OR5P2: variants seen among roughly 807,000 people sequenced by gnomAD.
OR5P2 encodes the protein olfactory receptor 5P2.
For synonymous variants in OR5P2, 165 were observed against 145.6 expected, an observed-to-expected ratio of 1.13 and a Z score of -0.96; for missense variants, 455 against 382.3, an observed-to-expected ratio of 1.19 and a Z score of -1.59.
At position 7,796,038 on chromosome 11, in the gene OR5P2, A is replaced by G; in HGVS notation, c.905T>C (p.Val302Ala). The G allele has an allele frequency of 6.2e-7, 1 of 1,603,116 alleles. No individual in the cohort carries two copies. Among genetic ancestry groups the G allele is most frequent in the Non-Finnish European group, 8.5e-7 (1 of 1,177,076 alleles). ...AGCATCATGAGAAAGTATTTTTCTAACAAGCTCTCTCTTCAGAGCCCCCTT... is the reference window on the plus strand; with the variant it reads ...AGCATCATGAGAAAGTATTTTTCTAGCAAGCTCTCTCTTCAGAGCCCCCTT... The part of the protein sequence containing the change: ...EIKGALKREL[V>A]RKILSHDACY... The change falls in exon 1 of 1, where the codon GTT (valine) becomes GCT (alanine). Residue 302 changes from valine to alanine, a missense_variant. By Grantham distance (64) the Val-to-Ala change is moderately conservative. Transcript: ENST00000329434.
Position 7,796,078 on chromosome 11 carries a change from T to C in OR5P2, c.865A>G (p.Arg289Gly). The change falls in exon 1 of 1, where the codon AGG becomes GGG. Residue 289 changes from arginine to glycine, a missense_variant. Coordinates refer to ENST00000329434, the MANE Select transcript of OR5P2 (RefSeq NM_153444.1). ...AGAGCCCCCTTAATCTCCTTGTTCC[T>C]GAGGCTGTAGATCAGGGGGTTCAAC... ...PMLNPLIYSLRNKEIKGALKR... is the reference protein window; with the variant it reads ...PMLNPLIYSLGNKEIKGALKR... 6.2e-7 allele frequency: 1 copy of C among 1,605,326 alleles called. No homozygotes were observed. The highest frequency in any genetic ancestry group is 8.5e-7 in the Non-Finnish European group (1 of 1,178,688).
rs1171839550 is a variant in OR5P2 at position 7,796,706 on chromosome 11, T to A, written c.237A>T (p.Val79=). The A allele has an allele frequency of 6.2e-7, 1 of 1,605,714 alleles. No individual in the cohort carries two copies. The highest frequency in any genetic ancestry group is 2.3e-5 in the East Asian group (1 of 44,382). Residue 79 remains valine, a synonymous_variant, in exon 1 of 1, where the codon GTA becomes GTT. Coordinates refer to ENST00000329434, the MANE Select transcript of OR5P2 (RefSeq NM_153444.1). ...YSSSVTPNML[V]NFLVERNTVS... ...CTGTATTTCTCTCCACCAGGAAGTT[T>A]ACAAGCATGTTGGGTGTGACAGAAG...
rs764331597 is a variant in OR5P2, at chr11:7,796,905, G to A, written c.38C>T (p.Thr13Met). The A allele has an allele frequency of 3.8e-6, 6 of 1,589,438 alleles. No homozygotes were observed. The Admixed American group carries it at 6.9e-5, about 18-fold the overall frequency. ...SLKDGNHTAL[T>M]GFILLGLTDD... ...TGTTAAGCCCAATAGGATGAACCCC[G>A]TCAGAGCGGTGTGATTCCCGTCCTT... is the stretch of plus-strand genomic sequence containing the variant. Residue 13 changes from threonine to methionine, a missense_variant, in exon 1 of 1, where the codon ACG becomes ATG. Coordinates refer to ENST00000329434, the MANE Select transcript of OR5P2 (RefSeq NM_153444.1).
Position 7,796,625 on chromosome 11 carries a change from G to A in OR5P2, c.318C>T (p.Val106=), listed in dbSNP as rs140285767. 196 of 1,605,182 alleles carry A rather than the reference G, an allele frequency of 1.2e-4. 8 individuals are homozygous for A. Among genetic ancestry groups the A allele is most frequent in the Admixed American group, 7.9e-4 (47 of 59,796 alleles). The part of the protein sequence containing the change: ...QLGSAAFFAT[V]ECVLLAAMAY... The stretch of plus-strand genomic sequence containing the variant: ...CCATGGCAGCCAGAAGGACGCATTC[G>A]ACTGTTGCAAAGAAAGCCGCTGAAC... The change falls in exon 1 of 1, where the codon GTC becomes GTT. Residue 106 remains valine (V), a synonymous_variant. Coordinates refer to ENST00000329434, the MANE Select transcript of OR5P2 (RefSeq NM_153444.1).
At position 7,796,105 on chromosome 11, in the gene OR5P2, T is replaced by G; in HGVS notation, c.838A>C (p.Met280Leu). 6.2e-7 allele frequency: 1 copy of G among 1,605,426 alleles called. No individual in the cohort carries two copies. The highest frequency in any genetic ancestry group is 1.1e-5 in the South Asian group (1 of 90,374). ...AGGCTGTAGATCAGGGGGTTCAACATGGGAATCACCACTGTGTACAACACA... is the reference window on the plus strand; with the variant it reads ...AGGCTGTAGATCAGGGGGTTCAACAGGGGAATCACCACTGTGTACAACACA... ...VSVLYTVVIP[M>L]LNPLIYSLRN... The change falls in exon 1 of 1, where the codon ATG becomes CTG. Residue 280 changes from methionine to leucine, a missense_variant. Physicochemically the swap from Met to Leu is conservative, Grantham distance 15 (BLOSUM62 2). Transcript: ENST00000329434.
Position 7,796,386 on chromosome 11 carries a change from G to C in OR5P2, c.557C>G (p.Ser186Cys), listed in dbSNP as rs1171384687. 1.2e-6 allele frequency: 2 copies of C among 1,604,716 alleles called. No homozygotes were observed. The highest frequency in any genetic ancestry group is 2.3e-5 in the East Asian group (1 of 44,348). ...DFAPLLELSC[S>C]DISVSTVVLS... Reference sequence around the variant, plus strand: ...AACAACTGTGGAGACACTGATATCAGAACAGGAGAGTTCAAGTAAGGGAGC... The same window carrying C: ...AACAACTGTGGAGACACTGATATCACAACAGGAGAGTTCAAGTAAGGGAGC... The change falls in exon 1 of 1, where the codon TCT (serine) becomes TGT (cysteine). Residue 186 changes from serine (S) to cysteine (C), a missense_variant. Physicochemically the swap from Ser to Cys is moderately radical, Grantham distance 112. Coordinates refer to ENST00000329434, the MANE Select transcript of OR5P2 (RefSeq NM_153444.1).
chr11:7,796,365 A>G lies in OR5P2; in HGVS notation c.578T>C (p.Val193Ala). Residue 193 changes from valine to alanine, a missense_variant, in exon 1 of 1, where the codon GTT becomes GCT. Physicochemically the swap from Val to Ala is moderately conservative, Grantham distance 64. Coordinates refer to ENST00000329434, the MANE Select transcript of OR5P2 (RefSeq NM_153444.1). ...LSCSDISVST[V>A]VLSFSSGSII... ...GGATCCAGAAGAAAATGAGAGAACAACTGTGGAGACACTGATATCAGAACA... is the reference window on the plus strand; with the variant it reads ...GGATCCAGAAGAAAATGAGAGAACAGCTGTGGAGACACTGATATCAGAACA... The G allele has an allele frequency of 1.2e-6, 2 of 1,605,056 alleles. No homozygotes were observed. The highest frequency in any genetic ancestry group is 1.1e-5 in the South Asian group (1 of 90,366).
chr11:7,796,545 G>A lies in OR5P2; in HGVS notation c.398C>T (p.Ser133Phe), dbSNP rs144529072. The A allele has an allele frequency of 6.3e-5, 101 of 1,605,608 alleles. 16 individuals carry two copies. In the African/African-American group the frequency reaches 1.4e-3, roughly 22 times the overall value. Reference sequence around the variant, plus strand: ...GAGTAGCTGGACACTGACTTGTGTGGACATTTTGGTTGAATAAAGCAGTGG... The same window carrying A: ...GAGTAGCTGGACACTGACTTGTGTGAACATTTTGGTTGAATAAAGCAGTGG... Reference protein sequence around the residue: ...CSPLLYSTKMSTQVSVQLLLV... With the variant: ...CSPLLYSTKMFTQVSVQLLLV... Residue 133 changes from serine (S) to phenylalanine (F), a missense_variant, in exon 1 of 1, where the codon TCC (serine) becomes TTC (phenylalanine). Ser to Phe is a radical substitution (Grantham distance 155). Transcript: ENST00000329434.
rs771619941 is a variant in OR5P2 at position 7,796,247 on chromosome 11, C to A, written c.696G>T (p.Lys232Asn). Reference sequence around the variant, plus strand: ...GGTGGGAAGTGCAGGTGGAGAAGGCCTTGTGGTGCCCCTCAGTGGAGCGCA... The same window carrying A: ...GGTGGGAAGTGCAGGTGGAGAAGGCATTGTGGTGCCCCTCAGTGGAGCGCA... ...LKMRSTEGHH[K>N]AFSTCTSHLT... Residue 232 changes from lysine (K) to asparagine (N), a missense_variant, in exon 1 of 1, where the codon AAG becomes AAT. By Grantham distance (94) the Lys-to-Asn change is moderately conservative. Transcript: ENST00000329434. The A allele has an allele frequency of 1.9e-6, 3 of 1,605,026 alleles. No homozygotes were observed. Among genetic ancestry groups the A allele is most frequent in the Non-Finnish European group, 1.7e-6 (2 of 1,178,698 alleles).
In OR5P2 at chr11:7,796,591, G is replaced by C. The variant is rs770520472; in HGVS notation, c.352C>G (p.Arg118Gly). Residue 118 changes from arginine to glycine, a missense_variant, in exon 1 of 1, where the codon CGC becomes GGC. Arg to Gly is a moderately radical substitution (Grantham distance 125, BLOSUM62 -2). Transcript: ENST00000329434. ...CVLLAAMAYD[R>G]FVAICSPLLY... The stretch of plus-strand genomic sequence containing the variant: ...AGTGGACTGCAAATTGCCACAAAGC[G>C]GTCATAGGCCATGGCAGCCAGAAGG... The C allele has an allele frequency of 2.7e-5, 43 of 1,605,426 alleles. 3 individuals are homozygous for C. In the Admixed American group the frequency reaches 6.9e-4, roughly 26 times the overall value.
Position 7,796,076 on chromosome 11 carries a change from C to T in OR5P2, c.867G>A (p.Arg289=). 1 of 1,605,164 alleles carries T rather than the reference C, an allele frequency of 6.2e-7. No individual in the cohort carries two copies. ...TCAGAGCCCCCTTAATCTCCTTGTT[C>T]CTGAGGCTGTAGATCAGGGGGTTCA... ...PMLNPLIYSL[R]NKEIKGALKR... Residue 289 remains arginine (R), a synonymous_variant, in exon 1 of 1, where the codon AGG becomes AGA. Coordinates refer to ENST00000329434, the MANE Select transcript of OR5P2 (RefSeq NM_153444.1).
Position 7,796,693 on chromosome 11 carries a change from C to T in OR5P2, c.250G>A (p.Glu84Lys), listed in dbSNP as rs775111622. Reference sequence around the variant, plus strand: ...CCAAGGTAGGAGACTGTATTTCTCTCCACCAGGAAGTTTACAAGCATGTTG... The same window carrying T: ...CCAAGGTAGGAGACTGTATTTCTCTTCACCAGGAAGTTTACAAGCATGTTG... ...TPNMLVNFLVERNTVSYLGCA... is the reference protein window; with the variant it reads ...TPNMLVNFLVKRNTVSYLGCA... The change falls in exon 1 of 1, where the codon GAG becomes AAG. Residue 84 changes from glutamate (E) to lysine (K), a missense_variant. Coordinates refer to ENST00000329434, the MANE Select transcript of OR5P2 (RefSeq NM_153444.1). 1.2e-6 allele frequency: 2 copies of T among 1,605,518 alleles called. No homozygotes were observed. The highest frequency in any genetic ancestry group is 1.7e-6 in the Non-Finnish European group (2 of 1,178,772).
chr11:7,796,560 T>C lies in OR5P2; in HGVS notation c.383A>G (p.Tyr128Cys). 1 of 1,605,638 alleles carries C rather than the reference T, an allele frequency of 6.2e-7. No individual in the cohort carries two copies. Among genetic ancestry groups the C allele is most frequent in the South Asian group, 1.1e-5 (1 of 90,368 alleles). Reference protein sequence around the residue: ...RFVAICSPLLYSTKMSTQVSV... With the variant: ...RFVAICSPLLCSTKMSTQVSV... ...GACTTGTGTGGACATTTTGGTTGAA[T>C]AAAGCAGTGGACTGCAAATTGCCAC... Residue 128 changes from tyrosine to cysteine, a missense_variant, in exon 1 of 1, where the codon TAT becomes TGT. Transcript: ENST00000329434.
chr11:7,796,008 TAAC>T lies in OR5P2; in HGVS notation c.932_934del (p.Cys311del), dbSNP rs768643404. 3.6e-5 allele frequency: 58 copies of T among 1,592,046 alleles called. 2 individuals carry two copies. Among genetic ancestry groups the T allele is most frequent in the Non-Finnish European group, 4.5e-5 (53 of 1,168,666 alleles). ...ATCATTATTTGAAGTTCTACTAAAA[TAAC>T]AAGCATCATGAGAAAGTATTTTTCT... On this transcript the variant is annotated inframe_deletion, in exon 1 of 1. Transcript: ENST00000329434.
rs544300842 is a variant in OR5P2, at chr11:7,796,853, G to A, written c.90C>T (p.Leu30=). 3.1e-6 allele frequency: 5 copies of A among 1,597,254 alleles called. No homozygotes were observed. In the Admixed American group the frequency reaches 6.7e-5, roughly 21 times the overall value. Residue 30 remains leucine (L), a synonymous_variant, in exon 1 of 1, where the codon CTC becomes CTT. Coordinates refer to ENST00000329434, the MANE Select transcript of OR5P2 (RefSeq NM_153444.1). ...LTDDPILRVI[L]FMIILSGNLS... ...GATTACCAGATAGGATGATCATGAA[G>A]AGGATGACTCGAAGGATTGGATCAT...
In OR5P2 at chr11:7,796,284, G is replaced by C. The variant is rs1433193677; in HGVS notation, c.659C>G (p.Thr220Ser). 6.2e-7 allele frequency: 1 copy of C among 1,604,862 alleles called. No individual in the cohort carries two copies. Among genetic ancestry groups the C allele is most frequent in the African/African-American group, 1.4e-5 (1 of 69,188 alleles). Reference sequence around the variant, plus strand: ...CTCAGTGGAGCGCATCTTCAGGATGGTGATGAGGATATAGATGTAGCAGAC... The same window carrying C: ...CTCAGTGGAGCGCATCTTCAGGATGCTGATGAGGATATAGATGTAGCAGAC... ...IAVCYIYILI[T>S]ILKMRSTEGH... The change falls in exon 1 of 1, where the codon ACC (threonine) becomes AGC (serine). Residue 220 changes from threonine (T) to serine (S), a missense_variant. Physicochemically the swap from Thr to Ser is moderately conservative, Grantham distance 58 (BLOSUM62 1). Transcript: ENST00000329434.
Position 7,796,205 on chromosome 11 carries a change from C to A in OR5P2, c.738G>T (p.Leu246=). 1 of 1,604,954 alleles carries A rather than the reference C, an allele frequency of 6.2e-7. No individual in the cohort carries two copies. The highest frequency in any genetic ancestry group is 8.5e-7 in the Non-Finnish European group (1 of 1,178,744). ...AAATGAAGGTAATGGTCCCATAGAACAGGGTAACCACAGTGAGGTGGGAAG... is the reference window on the plus strand; with the variant it reads ...AAATGAAGGTAATGGTCCCATAGAAAAGGGTAACCACAGTGAGGTGGGAAG... The part of the protein sequence containing the change: ...TCTSHLTVVT[L]FYGTITFIYV... Residue 246 remains leucine, a synonymous_variant, in exon 1 of 1, where the codon CTG becomes CTT. Coordinates refer to ENST00000329434, the MANE Select transcript of OR5P2 (RefSeq NM_153444.1).
chr11:7,796,855 G>T lies in OR5P2; in HGVS notation c.88C>A (p.Leu30Ile), dbSNP rs757721242. The T allele has an allele frequency of 4.6e-6, 5 of 1,096,346 alleles. No homozygotes were observed. Among genetic ancestry groups the T allele is most frequent in the Non-Finnish European group, 6.4e-6 (5 of 783,526 alleles). The allele number at this position is 1,096,346 out of a possible 1,614,324, so 67.9% of individuals were successfully genotyped here. Residue 30 changes from leucine (L) to isoleucine (I), a missense_variant, in exon 1 of 1, where the codon CTC (leucine) becomes ATC (isoleucine). Physicochemically the swap from Leu to Ile is conservative, Grantham distance 5. Coordinates refer to ENST00000329434, the MANE Select transcript of OR5P2 (RefSeq NM_153444.1). The part of the protein sequence containing the change: ...LTDDPILRVI[L>I]FMIILSGNLS... ...TTACCAGATAGGATGATCATGAAGA[G>T]GATGACTCGAAGGATTGGATCATCT... is the stretch of plus-strand genomic sequence containing the variant.
At position 7,796,285 on chromosome 11, in the gene OR5P2, T is replaced by C; in HGVS notation, c.658A>G (p.Thr220Ala). ...IAVCYIYILI[T>A]ILKMRSTEGH... ...TCAGTGGAGCGCATCTTCAGGATGGTGATGAGGATATAGATGTAGCAGACG... is the reference window on the plus strand; with the variant it reads ...TCAGTGGAGCGCATCTTCAGGATGGCGATGAGGATATAGATGTAGCAGACG... Residue 220 changes from threonine to alanine, a missense_variant, in exon 1 of 1, where the codon ACC becomes GCC. Transcript: ENST00000329434. The C allele has an allele frequency of 6.2e-7, 1 of 1,604,578 alleles. No individual in the cohort carries two copies. Among genetic ancestry groups the C allele is most frequent in the Non-Finnish European group, 8.5e-7 (1 of 1,178,444 alleles).
Sources: gnomAD v4.1 joint callset for allele counts on GRCh38, gnomAD v4.1.1 for gene constraint, MANE v1.5 for transcripts, NCBI Gene and HGNC (gene_info 2026-07-23, HGNC 2026-07-21) for gene names.